NELL1: variants seen among roughly 807,000 people sequenced by gnomAD.
NELL1 encodes the protein protein kinase C-binding protein NELL1.
NELL1 carries 76 observed loss-of-function variants against 107.4 expected under a neutral mutation model. The observed-to-expected ratio is 0.71, with a 90% CI of 0.59 to 0.86. NELL1 has a LOEUF of 0.86. NELL1 is among the 40% of genes least tolerant of loss of function. The probability of loss-of-function intolerance (pLI) is 0.00; values close to 1 mark genes in which losing one functional copy is unlikely to be tolerated. For missense variants in NELL1, 1,024 were observed against 1,005.5 expected, an observed-to-expected ratio of 1.02 and a Z score of -0.25; for synonymous variants, 353 against 341.2, an observed-to-expected ratio of 1.03 and a Z score of -0.38.
intron 13 of NELL1, among the ~76,000 whole-genome samples, chr11:21,118,276 G>T (rs1839044682): frequency 6.6e-6 from 1 of 151,998 alleles, no homozygotes; most frequent in Non-Finnish European, 1.5e-5. Flanking sequence ...ACTATACTAT[G>T]TTAGGGATTT....
chr11:21,220,216 T>A (rs1361025368), intron 13 of NELL1, among the ~76,000 whole-genome samples: 8 of 152,188 alleles, frequency 5.3e-5, no homozygotes, highest in Admixed American at 2.6e-4. Flanking sequence ...TCAATCGGCC[T>A]GGGTATCTGT....
intron 4 of NELL1, among the ~76,000 whole-genome samples, chr11:20,872,018 CAAA>C (rs1160968611): frequency 2.4e-5 from 1 of 41,708 alleles, no homozygotes; most frequent in African/African-American, 1.1e-4. Context: ...GACTCCGTCT[CAAA>C]AAAAAAAAAA....
intron 14 of NELL1, among the ~76,000 whole-genome samples, chr11:21,287,710 C>G (rs1565149432): frequency 2.0e-5 from 3 of 152,120 alleles, no homozygotes; most frequent in Non-Finnish European, 4.4e-5. Flanking sequence ...TTAATCATCA[C>G]CTTTTTTGGG....
chr11:21,080,222 C>T (rs190212792), intron 12 of NELL1, among the ~76,000 whole-genome samples: 6 of 151,836 alleles, frequency 4.0e-5, no homozygotes, highest in African/African-American at 7.3e-5. Flanking sequence ...AAAAGCAATA[C>T]AGCACGTCAT....
At chr11:21,022,018 A>G (rs1852713116) in intron 12 of NELL1, among the ~76,000 whole-genome samples, 2 of 152,026 alleles carry the variant, frequency 1.3e-5, no homozygotes, top group Admixed American at 1.3e-4. Context: ...TTCCCACTAG[A>G]TGCCAGTCAC....
At chr11:21,317,524 G>C (rs988059194) in intron 14 of NELL1, among the ~76,000 whole-genome samples, 1 of 71,360 alleles carries the variant, frequency 1.4e-5, no homozygotes, top group East Asian at 3.9e-4. Context: ...CTCACACTAA[G>C]CATTCTAGGT....
chr11:21,125,527 G>A (rs769823719), intron 13 of NELL1, among the ~76,000 whole-genome samples: 2 of 152,046 alleles, frequency 1.3e-5, no homozygotes, highest in African/African-American at 4.8e-5. Flanking sequence ...CTAGGAGATT[G>A]TGGTCTCTTT....
intron 13 of NELL1, among the ~76,000 whole-genome samples, chr11:21,157,003 G>A (rs1157030376): frequency 1.3e-5 from 2 of 151,930 alleles, no homozygotes; most frequent in African/African-American, 2.4e-5. Flanking sequence ...TTGGGAGGCT[G>A]AGGCATGAGA....
intron 13 of NELL1, among the ~76,000 whole-genome samples, chr11:21,162,657 A>G (rs1856398248): frequency 6.6e-6 from 1 of 152,148 alleles, no homozygotes; most frequent in South Asian, 2.1e-4. Flanking sequence ...GTAGAGTGTG[A>G]CCTTCAAGAT....
At chr11:21,465,910 G>A (rs1302827954) in intron 15 of NELL1, among the ~76,000 whole-genome samples, 2 of 151,954 alleles carry the variant, frequency 1.3e-5, no homozygotes, top group Non-Finnish European at 2.9e-5. Context: ...TTTCTTATGC[G>A]TCTTCAGCTG....
At chr11:21,103,405 GA>G (rs1481909075) in intron 12 of NELL1, among the ~76,000 whole-genome samples, 3 of 152,204 alleles carry the variant, frequency 2.0e-5, no homozygotes, top group Non-Finnish European at 4.4e-5. Flanking sequence ...GCCTTGTAGA[GA>G]GGCACAACAG....
At chr11:21,249,117 C>G (rs1021939936) in intron 14 of NELL1, among the ~76,000 whole-genome samples, 2 of 152,164 alleles carry the variant, frequency 1.3e-5, no homozygotes, top group African/African-American at 4.8e-5. Context: ...TAACAAAGCA[C>G]TAACTGCTTG....
chr11:21,111,427 C>T (rs1026529365), intron 12 of NELL1, among the ~76,000 whole-genome samples: 3 of 152,074 alleles, frequency 2.0e-5, no homozygotes, highest in African/African-American at 7.2e-5. Flanking sequence ...CAAGATGAAG[C>T]GTAATTATAT....
intron 13 of NELL1, among the ~76,000 whole-genome samples, chr11:21,152,256 G>A (rs1488885969): frequency 6.6e-6 from 1 of 152,140 alleles, no homozygotes; most frequent in East Asian, 1.9e-4. Flanking sequence ...TGAAAAGTGT[G>A]TACTTTTAAT....
intron 12 of NELL1, among the ~76,000 whole-genome samples, chr11:20,979,712 G>A (rs534492979): frequency 8.5e-5 from 13 of 152,178 alleles, no homozygotes; most frequent in African/African-American, 1.9e-4. Context: ...GTGATAGGCC[G>A]TGTTCATTGT....
chr11:20,919,854 C>T (rs961064403), intron 7 of NELL1, among the ~76,000 whole-genome samples: 4 of 152,076 alleles, frequency 2.6e-5, no homozygotes, highest in African/African-American at 9.7e-5. Context: ...CTTTCAACAC[C>T]TTCGGTTTTA....
chr11:21,121,178 G>A (rs966302068), intron 13 of NELL1, among the ~76,000 whole-genome samples: 1 of 152,178 alleles, frequency 6.6e-6, no homozygotes, highest in Admixed American at 6.6e-5. Context: ...AACAGAGAGG[G>A]TTGGAGTATG....
intron 14 of NELL1, among the ~76,000 whole-genome samples, chr11:21,278,810 A>G (rs1848928002): frequency 6.6e-6 from 1 of 152,166 alleles, no homozygotes; most frequent in Non-Finnish European, 1.5e-5. Context: ...ACAGACAAAG[A>G]CTCAGAATAA....
At chr11:21,344,109 T>C (rs1178768266) in intron 14 of NELL1, among the ~76,000 whole-genome samples, 1 of 152,208 alleles carries the variant, frequency 6.6e-6, no homozygotes, top group African/African-American at 2.4e-5. Context: ...GCGCATTCTG[T>C]CTGAGCATCT....
Sources: allele counts gnomAD v4.1 joint callset (sites outside exome capture counted in the v4.1 genomes callset), GRCh38; gene constraint gnomAD v4.1.1; transcripts MANE v1.5; gene names NCBI Gene and HGNC (gene_info 2026-07-23, HGNC 2026-07-21).